The following MRPL12 variants were observed in gnomAD, a reference collection of about 807,000 sequenced individuals.
The protein encoded by MRPL12 is mitochondrial ribosomal protein L12, also known as large ribosomal subunit protein bL12m.
MRPL12 carries 13 observed loss-of-function variants against 21.1 expected under a neutral mutation model. The observed-to-expected ratio is 0.62, with a 90% CI of 0.40 to 0.98. The LOEUF is 0.98. MRPL12 is among the 50% of genes least tolerant of loss of function. MRPL12 has a pLI of 0.00. For missense variants in MRPL12, 251 were observed against 268.6 expected, an observed-to-expected ratio of 0.93 and a Z score of 0.46; for synonymous variants, 126 against 115.3, an observed-to-expected ratio of 1.09 and a Z score of -0.60.
intron 3 of MRPL12, among the ~76,000 whole-genome samples, chr17:81,705,114 A>G (rs1265416122): frequency 2.0e-5 from 3 of 152,120 alleles, no homozygotes; most frequent in African/African-American, 7.2e-5. Flanking sequence ...CTGGTGGCAC[A>G]TGCCTGTAAT....
intron 3 of MRPL12, among the ~76,000 whole-genome samples, chr17:81,705,320 G>A (rs2037302998): frequency 6.6e-6 from 1 of 150,906 alleles, no homozygotes; most frequent in Admixed American, 6.6e-5. Flanking sequence ...GAACCAGGGA[G>A]GCGGAGGTTG....
In MRPL12 at chr17:81,705,193, AAAAT is replaced by A. The variant is rs1027698331; in HGVS notation, c.345+489_345+492del. On this transcript the variant is annotated intron_variant, in intron 3 of 4. Coordinates refer to ENST00000333676, the MANE Select transcript of MRPL12 (RefSeq NM_002949.4). Reference sequence around the variant, plus strand: ...GGGAGACTGTCTCAAACAAACAAACAAAATAAATAAATAAAAATAAAAATAAATA... The same window carrying A: ...GGGAGACTGTCTCAAACAAACAAACAAAATAAATAAAAATAAAAATAAATA... Among the ~76,000 whole-genome samples, 390 of 148,546 alleles carry A rather than the reference AAAAT, an allele frequency of 2.6e-3. 2 individuals are homozygous for A. Among genetic ancestry groups the A allele is most frequent in the African/African-American group, 9.0e-3 (364 of 40,618 alleles).
rs766663743 is a variant in MRPL12 at position 81,704,621 on chromosome 17, C to T, written c.262-12C>T. 1.9e-6 allele frequency: 3 copies of T among 1,613,770 alleles called. No individual in the cohort carries two copies. Among genetic ancestry groups the T allele is most frequent in the Non-Finnish European group, 2.5e-6 (3 of 1,180,008 alleles). ...GAGGGCCAGCTGTGGACACTGTTCT[C>T]TATCTCTGCAGAAAACGTTGAAGAT... On this transcript the variant is annotated splice_polypyrimidine_tract_variant and intron_variant, in intron 2 of 4. Transcript: ENST00000333676.
chr17:81,705,865 C>T (rs936102072), intron 3 of MRPL12, among the ~76,000 whole-genome samples: 4 of 152,192 alleles, frequency 2.6e-5, no homozygotes, highest in East Asian at 1.9e-4. Flanking sequence ...ATCACTCATG[C>T]CTGAGAACTG....
rs1005311491 is a variant in MRPL12, at chr17:81,705,991, T to C, written c.346-915T>C. Among the ~76,000 whole-genome samples the C allele has an allele frequency of 2.6e-5, 4 of 152,348 alleles. No individual in the cohort carries two copies. In the East Asian group the frequency reaches 7.7e-4, roughly 29 times the overall value. On this transcript the variant is annotated intron_variant, in intron 3 of 4. Transcript: ENST00000333676. Reference sequence around the variant, plus strand: ...GCTTTTGAGGAGGGAGAAGATGTTATTAATAGCCTTCCCAGGCCGTGGGGA... The same window carrying C: ...GCTTTTGAGGAGGGAGAAGATGTTACTAATAGCCTTCCCAGGCCGTGGGGA...
intron 3 of MRPL12, among the ~76,000 whole-genome samples, chr17:81,705,273 C>T (rs1029311089): frequency 5.3e-5 from 8 of 151,018 alleles, no homozygotes; most frequent in Non-Finnish European, 1.2e-4. Context: ...TGCCTGTAAT[C>T]CCAGCTACTT....
In MRPL12 at chr17:81,703,496, G is replaced by A; in HGVS notation, c.-6G>A. 6.7e-7 allele frequency: 1 copy of A among 1,486,816 alleles called. No homozygotes were observed. Among genetic ancestry groups the A allele is most frequent in the South Asian group, 1.3e-5 (1 of 79,652 alleles). The allele number at this position is 1,486,816 out of a possible 1,614,324, so 92.1% of individuals were successfully genotyped here. ...AACCGCGTGTGACCTTCCAGCCCGC[G>A]GACCGATGCTGCCGGCGGCCGCTCG... On this transcript the variant is annotated 5_prime_UTR_variant, in exon 1 of 5. Coordinates refer to ENST00000333676, the MANE Select transcript of MRPL12 (RefSeq NM_002949.4).
chr17:81,704,987 C>G (rs1336200238), intron 3 of MRPL12, among the ~76,000 whole-genome samples: 2 of 152,086 alleles, frequency 1.3e-5, no homozygotes. Flanking sequence ...GTAATCCCAG[C>G]GCTTCGGGAG....
chr17:81,703,634 T>A, intron 1 of MRPL12, 59 bp downstream of exon 1: 1 of 1,287,608 alleles, frequency 7.8e-7, no homozygotes, highest in Non-Finnish European at 9.9e-7. Flanking sequence ...AGCCGGGCAC[T>A]GAGGGGTCGA....
At chr17:81,705,006 G>A (rs1362225763) in intron 3 of MRPL12, among the ~76,000 whole-genome samples, 2 of 151,508 alleles carry the variant, frequency 1.3e-5, no homozygotes, top group South Asian at 2.1e-4. Context: ...AGGCCGAGAC[G>A]GGTGGATCAC....
intron 3 of MRPL12, 151 bp downstream of exon 3, chr17:81,704,867 C>T (rs1041602966): frequency 4.6e-6 from 3 of 657,316 alleles, no homozygotes; most frequent in Non-Finnish European, 7.8e-6. Flanking sequence ...GGGACCTACT[C>T]CCTGCCACGG....
chr17:81,704,585 C>T, intron 2 of MRPL12, 48 bp from the exon 3 acceptor site: 2 of 1,603,602 alleles, frequency 1.2e-6, no homozygotes, highest in Non-Finnish European at 1.7e-6. Context: ...TCAGTAGGTT[C>T]CGGCTGGTGT....
intron 4 of MRPL12, 26 bp downstream of exon 4, chr17:81,707,066 G>A (rs757060494): frequency 1.9e-6 from 3 of 1,613,868 alleles, no homozygotes; most frequent in African/African-American, 2.7e-5. Flanking sequence ...GGGGTTCCGA[G>A]GCAGGTTCCG....
chr17:81,704,153 AC>A (rs2037287232), intron 1 of MRPL12, 90 bp from the exon 2 acceptor site: 2 of 1,340,742 alleles, frequency 1.5e-6, no homozygotes, highest in African/African-American at 2.9e-5. Flanking sequence ...TATGGCACCC[AC>A]CAGTCCCCCA....
At position 81,707,037 on chromosome 17, in the gene MRPL12, C is replaced by G; in HGVS notation, c.477C>G (p.Val159=). ...ACTACATCCAAGGCATCAACCTCGT[C>G]CAGGTCTGTGCCGCGGTGGGGGTTC... is the stretch of plus-strand genomic sequence containing the variant. ...IKNYIQGINL[V]QAKKLVESLP... The change falls in exon 4 of 5, where the codon GTC becomes GTG. Residue 159 remains valine (V), a synonymous_variant. Coordinates refer to ENST00000333676, the MANE Select transcript of MRPL12 (RefSeq NM_002949.4). 6.2e-7 allele frequency: 1 copy of G among 1,614,110 alleles called. No individual in the cohort carries two copies. Among genetic ancestry groups the G allele is most frequent in the Non-Finnish European group, 8.5e-7 (1 of 1,180,046 alleles).
In MRPL12 at chr17:81,704,660, C is replaced by T. The variant is rs1384143304; in HGVS notation, c.289C>T (p.Leu97Phe). 2 of 1,613,914 alleles carry T rather than the reference C, an allele frequency of 1.2e-6. No homozygotes were observed. The highest frequency in any genetic ancestry group is 2.2e-5 in the East Asian group (1 of 44,886). The change falls in exon 3 of 5, where the codon CTT (leucine) becomes TTT (phenylalanine). Residue 97 changes from leucine (L) to phenylalanine (F), a missense_variant. Transcript: ENST00000333676. ...KKTLKIQDVG[L>F]VPMGGVMSGA... The stretch of plus-strand genomic sequence containing the variant: ...AACGTTGAAGATCCAGGATGTCGGG[C>T]TTGTGCCGATGGGTGGTGTGATGTC...
chr17:81,704,340 C>T lies in MRPL12; in HGVS notation c.171C>T (p.Pro57=), dbSNP rs765210094. 6.2e-7 allele frequency: 1 copy of T among 1,613,608 alleles called. No homozygotes were observed. The highest frequency in any genetic ancestry group is 1.1e-5 in the South Asian group (1 of 91,062). ...ALAGAPLDNA[P]KEYPPKIQQL... ...CTGGTGCACCCCTGGATAACGCCCC[C>T]AAGGAGTACCCCCCCAAGATACAGC... The change falls in exon 2 of 5, where the codon CCC becomes CCT. Residue 57 remains proline (P), a synonymous_variant. Transcript: ENST00000333676.
intron 1 of MRPL12, 135 bp downstream of exon 1, chr17:81,703,710 C>A: frequency 1.2e-6 from 1 of 827,042 alleles, no homozygotes; most frequent in Non-Finnish European, 1.7e-6. Context: ...GGGGTCCCAT[C>A]GGGGGCGCGG....
At chr17:81,705,000 C>A (rs937927031) in intron 3 of MRPL12, among the ~76,000 whole-genome samples, 2 of 150,496 alleles carry the variant, frequency 1.3e-5, no homozygotes, top group East Asian at 3.9e-4. Flanking sequence ...TTCGGGAGGC[C>A]GAGACGGGTG....
Sources: allele counts gnomAD v4.1 joint callset (sites outside exome capture counted in the v4.1 genomes callset), GRCh38; gene constraint gnomAD v4.1.1; transcripts MANE v1.5; gene names NCBI Gene and HGNC (gene_info 2026-07-23, HGNC 2026-07-21).